Variants in DNAAF9 observed in about 807,000 individuals in gnomAD.
The protein encoded by DNAAF9 is shulin.
In DNAAF9, 90 loss-of-function variants were observed where a neutral mutation model predicts 167.0. The observed-to-expected ratio is 0.54, with a 90% CI of 0.45 to 0.64. The LOEUF (loss-of-function observed/expected upper bound fraction) is 0.64, where lower values mean the gene tolerates loss of function less well. Ranked by LOEUF, DNAAF9 falls within the 30% of genes least tolerant of loss-of-function variation. The pLI, the probability that DNAAF9 is intolerant of heterozygous loss-of-function variation, is 0.00. For missense variants in DNAAF9, 1,315 were observed against 1,442.2 expected (o/e 0.91, Z 1.43); for synonymous variants, 491 against 508.8 (o/e 0.96, Z 0.47).
At position 3,287,618 on chromosome 20, in the gene DNAAF9, C is replaced by A. The variant is rs773115724; in HGVS notation, c.2486+14G>T. ...CCCTGATTCGACTGTTTCCAGGAGA[C>A]TTCCAATGCTCACCCTTGTAACACC... On this transcript the variant is annotated intron_variant, in intron 27 of 36. Coordinates refer to ENST00000252032, the MANE Select transcript of DNAAF9 (RefSeq NM_001009984.3). The A allele has an allele frequency of 3.0e-5, 49 of 1,613,602 alleles. No individual in the cohort carries two copies. The East Asian group carries it at 1.1e-3, about 35-fold the overall frequency.
At chr20:3,327,546 G>A (rs1476301397) in intron 12 of DNAAF9, among the ~76,000 whole-genome samples, 1 of 152,154 alleles carries the variant, frequency 6.6e-6, no homozygotes, top group Admixed American at 6.6e-5. Flanking sequence ...ACCTAAAAAT[G>A]TGTCTATTTT....
intron 35 of DNAAF9, 27 bp downstream of exon 35, chr20:3,255,192 G>A (rs1055259007): frequency 1.3e-6 from 2 of 1,482,558 alleles, no homozygotes; most frequent in Non-Finnish European, 1.8e-6. Flanking sequence ...GGGCCACCGA[G>A]GGGAGAAGCC....
chr20:3,304,624 T>C (rs2069256474), intron 20 of DNAAF9, 81 bp from the exon 21 acceptor site: 4 of 721,888 alleles, frequency 5.5e-6, no homozygotes, highest in South Asian at 4.6e-5. Context: ...TACAGCAGTG[T>C]GGTAACTAGA....
At chr20:3,300,085 T>C (rs1302713695) in intron 21 of DNAAF9, among the ~76,000 whole-genome samples, 3 of 152,138 alleles carry the variant, frequency 2.0e-5, no homozygotes, top group Non-Finnish European at 4.4e-5. Flanking sequence ...GTATTATTAG[T>C]AGAAACAGGG....
At chr20:3,371,923 C>T (rs1430737266) in intron 6 of DNAAF9, among the ~76,000 whole-genome samples, 1 of 152,122 alleles carries the variant, frequency 6.6e-6, no homozygotes, top group African/African-American at 2.4e-5. Context: ...GCAGAAAACG[C>T]CCTAGCAGAG....
chr20:3,366,395 T>G (rs1343835918), intron 6 of DNAAF9, among the ~76,000 whole-genome samples: 1 of 152,116 alleles, frequency 6.6e-6, no homozygotes, highest in Non-Finnish European at 1.5e-5. Context: ...GAAGTAGGAC[T>G]CAATAGTGGG....
intron 25 of DNAAF9, among the ~76,000 whole-genome samples, chr20:3,290,613 T>C (rs887422932): frequency 2.6e-5 from 4 of 152,136 alleles, no homozygotes; most frequent in Admixed American, 6.5e-5. Flanking sequence ...ATTATGACTT[T>C]TTTTCCCAGT....
At chr20:3,406,391 G>A (rs1214782438) in intron 1 of DNAAF9, among the ~76,000 whole-genome samples, 8 of 152,172 alleles carry the variant, frequency 5.3e-5, no homozygotes, top group Non-Finnish European at 8.8e-5. Flanking sequence ...GCTAGAATAA[G>A]AAAAAGCAAA....
At chr20:3,269,907 G>A (rs1396465269) in intron 30 of DNAAF9, among the ~76,000 whole-genome samples, 8 of 150,812 alleles carry the variant, frequency 5.3e-5, no homozygotes, top group African/African-American at 1.7e-4. Flanking sequence ...GCAGTGAGCC[G>A]AGATCGCGCC....
rs1228343009 is a variant in DNAAF9, at chr20:3,298,102, A to C, written c.1856T>G (p.Phe619Cys). ...SSLLPHLPVH[F>C]HGSSNFLMIA... ...CATCAGAAAATTGCTTGATCCATGG[A>C]AATGAACTGGGAGGTGAGGAAGCAA... The change falls in exon 22 of 37, where the codon TTC (phenylalanine) becomes TGC (cysteine). Residue 619 changes from phenylalanine to cysteine, a missense_variant. Physicochemically the swap from Phe to Cys is radical, Grantham distance 205. Around this residue, in one of 2 missense-constraint regions of DNAAF9, gnomAD observed 981 missense variants for 1,012.5 expected, o/e 0.97. Transcript: ENST00000252032. 1 of 1,612,532 alleles carries C rather than the reference A, an allele frequency of 6.2e-7. No homozygotes were observed. Among genetic ancestry groups the C allele is most frequent in the Non-Finnish European group, 8.5e-7 (1 of 1,178,666 alleles).
chr20:3,277,610 T>C (rs1209992936), intron 29 of DNAAF9, among the ~76,000 whole-genome samples: 1 of 152,050 alleles, frequency 6.6e-6, no homozygotes, highest in African/African-American at 2.4e-5. Flanking sequence ...TAGATACCTC[T>C]TTTTCCAACA....
chr20:3,286,865 CTTT>C (rs972605210), intron 27 of DNAAF9, among the ~76,000 whole-genome samples: 1 of 152,164 alleles, frequency 6.6e-6, no homozygotes, highest in African/African-American at 2.4e-5. Context: ...CCAAAAGCTT[CTTT>C]ATTACCACCA....
chr20:3,311,979 C>CTTTTTTCTT (rs1555790790), intron 20 of DNAAF9, among the ~76,000 whole-genome samples: 11,400 of 144,904 alleles, frequency 0.079, 516 homozygotes, highest in Middle Eastern at 0.11. Flanking sequence ...GCACTATTCT[C>CTTTTTTCTT]TTTTTTCTTT....
At position 3,326,056 on chromosome 20, in the gene DNAAF9, G is replaced by A. The variant is rs552864044; in HGVS notation, c.1188+141C>T. The A allele has an allele frequency of 1.5e-4, 96 of 634,818 alleles. No homozygotes were observed. The African/African-American group carries it at 1.6e-3, about 11-fold the overall frequency. 39.3% of individuals were successfully genotyped at this position (634,818 alleles called of 1,614,324 possible). A position where few individuals can be genotyped will look rare whatever the true frequency, so the allele number is the denominator to read the frequency against. On this transcript the variant is annotated intron_variant, in intron 13 of 36. Transcript: ENST00000252032. ...GGCAGCAGAAGCTCAGTGCTCTCAG[G>A]GCTTCTCTCTGCCTGGTGTCAAAGA...
Position 3,354,621 on chromosome 20 carries a change from TTCTC to T in DNAAF9, c.690+4891_690+4894del, listed in dbSNP as rs374154881. ...ATTCTGGCACTTTCAGAAAGCCTCC[TTCTC>T]TCTCTGTCTAGAATGTTCTACCACC... On this transcript the variant is annotated intron_variant, in intron 7 of 36. Coordinates refer to ENST00000252032, the MANE Select transcript of DNAAF9 (RefSeq NM_001009984.3). Among the ~76,000 whole-genome samples, 25 of 152,334 alleles carry T rather than the reference TTCTC, an allele frequency of 1.6e-4. No individual in the cohort carries two copies. The East Asian group carries it at 4.6e-3, about 28-fold the overall frequency.
Position 3,286,557 on chromosome 20 carries a change from T to C in DNAAF9, c.2486+1075A>G, listed in dbSNP as rs149066316. On this transcript the variant is annotated intron_variant, in intron 27 of 36. Transcript: ENST00000252032. ...TGAAAAACCAGAAGAAAACAAGTGG[T>C]TTCAAGCCCAGACTCTTCCTCTGGT... Among the ~76,000 whole-genome samples the C allele has an allele frequency of 1.8e-3, 280 of 152,084 alleles. 2 individuals are homozygous for C. Among genetic ancestry groups the C allele is most frequent in the Middle Eastern group, 3.4e-3 (1 of 294 alleles).
Position 3,315,231 on chromosome 20 carries a change from G to A in DNAAF9, c.1591-111C>T, listed in dbSNP as rs939841507. 9.6e-6 allele frequency: 7 copies of A among 730,636 alleles called. No individual in the cohort carries two copies. Among genetic ancestry groups the A allele is most frequent in the Admixed American group, 2.0e-5 (1 of 49,338 alleles). The allele number at this position is 730,636 out of a possible 1,614,324, so 45.3% of individuals were successfully genotyped here. A position where few individuals can be genotyped will look rare whatever the true frequency, so the allele number is the denominator to read the frequency against. ...AATTATGTCCGTCTACAAAAGCTGAGTCAGGCTCAGATATGCCCAATGTAT... is the reference window on the plus strand; with the variant it reads ...AATTATGTCCGTCTACAAAAGCTGAATCAGGCTCAGATATGCCCAATGTAT... On this transcript the variant is annotated intron_variant, in intron 19 of 36. Transcript: ENST00000252032. This position sits in a 1 kb window ranked among gnomAD's most constrained non-coding sequence, Gnocchi z 4.1.
At chr20:3,384,672 GA>G (rs200810074) in intron 1 of DNAAF9, among the ~76,000 whole-genome samples, 5 of 151,638 alleles carry the variant, frequency 3.3e-5, no homozygotes, top group Non-Finnish European at 7.4e-5. Context: ...CCACACCTGG[GA>G]AAATTTTTTT....
intron 12 of DNAAF9, among the ~76,000 whole-genome samples, chr20:3,330,242 GTCT>G (rs758044073): frequency 1.2e-4 from 18 of 152,038 alleles, no homozygotes; most frequent in Admixed American, 3.3e-4. Flanking sequence ...TAAACCAGAT[GTCT>G]TCTTCTTCTT....
Sources: gnomAD v4.1 joint callset for allele counts (sites outside exome capture counted in the v4.1 genomes callset) on GRCh38, gnomAD v4.1.1 for gene constraint, gnomAD v4.1.1 regional missense constraint, Gnocchi (gnomAD v3.1) non-coding constraint, MANE v1.5 for transcripts, NCBI Gene and HGNC (gene_info 2026-07-23, HGNC 2026-07-21) for gene names.